The following STOX2 variants were observed in gnomAD, a reference collection of about 807,000 sequenced individuals.
The protein encoded by STOX2 is storkhead-box protein 2.
A neutral mutation model predicts 60.9 loss-of-function variants in STOX2; 28 were observed. That is an observed-to-expected ratio of 0.46 (90% CI 0.34 to 0.63). The LOEUF (loss-of-function observed/expected upper bound fraction) is 0.63, where lower values mean the gene tolerates loss of function less well. Ranked by LOEUF, STOX2 falls within the 30% of genes least tolerant of loss-of-function variation. STOX2 has a pLI of 0.01. For synonymous variants in STOX2, 472 were observed against 463.9 expected (o/e 1.02, Z -0.22); for missense variants, 1,024 against 1,187.7 (o/e 0.86, Z 2.03).
chr4:183,853,945 C>T (rs1279700680), intron 1 of STOX2: 1 of 152,198 alleles, frequency 6.6e-6, no homozygotes, highest in Non-Finnish European at 1.5e-5. Flanking sequence ...CTATTCTGTT[C>T]TGGCGATGTT....
At chr4:183,951,804 G>C (rs549300315) in intron 1 of STOX2, among the ~76,000 whole-genome samples, 7 of 152,050 alleles carry the variant, frequency 4.6e-5, no homozygotes, top group Admixed American at 4.6e-4. Context: ...TTAGCTGGGC[G>C]TGGTGGTGCA....
In STOX2 at chr4:183,954,338, G is replaced by C. The variant is rs535648718; in HGVS notation, c.167-46987G>C. 2.0e-5 allele frequency among the ~76,000 whole-genome samples: 3 copies of C among 151,912 alleles called. No homozygotes were observed. In the South Asian group the frequency reaches 6.2e-4, roughly 32 times the overall value. Reference sequence around the variant, plus strand: ...GAGTCTCACTCTGTCACCCAGGCTGGAGTGCAGTGGCATGATCTTGGCTCG... The same window carrying C: ...GAGTCTCACTCTGTCACCCAGGCTGCAGTGCAGTGGCATGATCTTGGCTCG... On this transcript the variant is annotated intron_variant, in intron 1 of 3. Transcript: ENST00000308497.
intron 1 of STOX2, among the ~76,000 whole-genome samples, chr4:183,943,915 A>C (rs1057499130): frequency 6.6e-6 from 1 of 151,974 alleles, no homozygotes; most frequent in South Asian, 2.1e-4. Context: ...CAAAAAAGAA[A>C]TCTCCCCAGG....
chr4:183,863,159 G>A (rs1740489708), intron 1 of STOX2, among the ~76,000 whole-genome samples: 1 of 152,168 alleles, frequency 6.6e-6, no homozygotes, highest in Admixed American at 6.5e-5. Flanking sequence ...GGTCCTGGGT[G>A]AGTGACGTGG....
intron 1 of STOX2, among the ~76,000 whole-genome samples, chr4:183,913,373 G>C (rs1741837428): frequency 6.6e-6 from 1 of 152,110 alleles, no homozygotes; most frequent in Non-Finnish European, 1.5e-5. Flanking sequence ...TCAGATCGTG[G>C]CTTGCAGGAT....
At chr4:183,974,743 A>G (rs760174533) in intron 1 of STOX2, among the ~76,000 whole-genome samples, 4 of 152,210 alleles carry the variant, frequency 2.6e-5, no homozygotes, top group Admixed American at 6.5e-5. Flanking sequence ...AAAATGGACA[A>G]TTATAGTTAG....
intron 1 of STOX2, among the ~76,000 whole-genome samples, chr4:183,966,801 A>C (rs1379357035): frequency 6.6e-6 from 1 of 152,132 alleles, no homozygotes; most frequent in Non-Finnish European, 1.5e-5. Context: ...AAACAAGAAA[A>C]GTGTTCTTTA....
intron 1 of STOX2, among the ~76,000 whole-genome samples, chr4:183,968,761 CG>C: frequency 4.6e-4 from 1 of 2,180 alleles, no homozygotes; most frequent in East Asian, 6.0e-3. Context: ...GGCAGGGGGG[CG>C]GGGGGTGTTG....
At position 183,825,760 on chromosome 4, in the gene STOX2, G is replaced by A. The variant is rs1011002984; in HGVS notation, c.364+27705G>A. On this transcript the variant is annotated intron_variant, in intron 1 of 2. Transcript: ENST00000513034. This position sits in a 1 kb window ranked among gnomAD's most constrained non-coding sequence, Gnocchi z 4.1. ...GGTGGCTGGGGCTGGACTTTGCCGG[G>A]GAGGGGTTCAGATTTAATGCTTCGA... 2.6e-5 allele frequency among the ~76,000 whole-genome samples: 4 copies of A among 152,140 alleles called. No homozygotes were observed. Among genetic ancestry groups the A allele is most frequent in the Non-Finnish European group, 5.9e-5 (4 of 68,016 alleles).
At position 183,905,980 on chromosome 4, in the gene STOX2, C is replaced by T. The variant is rs879238822; in HGVS notation, c.-811C>T. ...CATCCACCCGCGCGCACGCACAGCG[C>T]CCGGAGCCTCGGCAAGGGGAAGATT... On this transcript the variant is annotated 5_prime_UTR_variant, in exon 1 of 4. Transcript: ENST00000308497. The T allele has an allele frequency of 6.6e-6, 1 of 152,342 alleles. No individual in the cohort carries two copies. The highest frequency in any genetic ancestry group is 1.5e-5 in the Non-Finnish European group (1 of 68,148). The allele number at this position is 152,342 out of a possible 1,614,324, so 9.4% of individuals were successfully genotyped here. A position where few individuals can be genotyped will look rare whatever the true frequency, so the allele number is the denominator to read the frequency against.
chr4:183,834,915 G>C (rs1430714623), intron 1 of STOX2, among the ~76,000 whole-genome samples: 1 of 152,212 alleles, frequency 6.6e-6, no homozygotes, highest in African/African-American at 2.4e-5. Context: ...ATGTGGGCCA[G>C]GTGCTCTGGG....
chr4:183,947,897 G>C (rs1400582401), intron 1 of STOX2, among the ~76,000 whole-genome samples: 2 of 152,066 alleles, frequency 1.3e-5, no homozygotes, highest in African/African-American at 2.4e-5. Flanking sequence ...TTACAACAAG[G>C]CTCCATGGTA....
chr4:183,830,197 C>T (rs950878167), intron 1 of STOX2, among the ~76,000 whole-genome samples: 17 of 152,256 alleles, frequency 1.1e-4, no homozygotes, highest in East Asian at 7.7e-4. Flanking sequence ...TCACCTGGTG[C>T]GTTGTTACTT....
chr4:183,953,965 G>A (rs531688696), intron 1 of STOX2, among the ~76,000 whole-genome samples: 3 of 152,258 alleles, frequency 2.0e-5, no homozygotes, highest in African/African-American at 4.8e-5. Flanking sequence ...AGATGTATGC[G>A]ACATGAGTGA....
Position 183,800,185 on chromosome 4 carries a change from G to A in STOX2, c.364+2130G>A, listed in dbSNP as rs569413583. Among the ~76,000 whole-genome samples, 199 of 23,132 alleles carry A rather than the reference G, an allele frequency of 8.6e-3. 3 individuals carry two copies. The highest frequency in any genetic ancestry group is 0.021 in the African/African-American group (191 of 8,892). The allele number at this position is 23,132 out of a possible 152,430, so 15.2% of individuals were successfully genotyped here. On this transcript the variant is annotated intron_variant, in intron 1 of 2. Transcript: ENST00000513034. ...TAAAAATTCTCAATATCTGCTGCAG[G>A]CTTCCTCATTTTTTTTTGTTGCCAG...
intron 1 of STOX2, among the ~76,000 whole-genome samples, chr4:183,859,787 C>A (rs938216439): frequency 2.0e-5 from 3 of 152,206 alleles, no homozygotes; most frequent in African/African-American, 7.2e-5. Flanking sequence ...AATGATCTTA[C>A]CGAACTGAAT....
intron 2 of STOX2, among the ~76,000 whole-genome samples, chr4:184,006,842 C>T (rs1464073789): frequency 1.3e-5 from 2 of 150,814 alleles, no homozygotes; most frequent in East Asian, 1.9e-4. Context: ...CGGTGAAACC[C>T]CGTCTCTACT....
chr4:184,010,704 G>A lies in STOX2; in HGVS notation c.1866G>A (p.Glu622=). ...CATCACCTCTGGGAAAGAATAAGGAGGACCATGACACTCTGACTTTGGCAG... is the reference window on the plus strand; with the variant it reads ...CATCACCTCTGGGAAAGAATAAGGAAGACCATGACACTCTGACTTTGGCAG... ...TAPSPLGKNK[E]DHDTLTLAEG... Residue 622 remains glutamate (E), a synonymous_variant, in exon 3 of 4, where the codon GAG becomes GAA. Coordinates refer to ENST00000308497, the MANE Select transcript of STOX2 (RefSeq NM_020225.3). This position sits in a 1 kb window ranked among gnomAD's most constrained non-coding sequence, Gnocchi z 4.5. 4 of 1,609,602 alleles carry A rather than the reference G, an allele frequency of 2.5e-6. No individual in the cohort carries two copies. The highest frequency in any genetic ancestry group is 3.4e-6 in the Non-Finnish European group (4 of 1,178,118).
At chr4:184,002,806 G>A (rs1733654415) in intron 2 of STOX2, among the ~76,000 whole-genome samples, 1 of 152,214 alleles carries the variant, frequency 6.6e-6, no homozygotes, top group African/African-American at 2.4e-5. Flanking sequence ...CTTATCTACT[G>A]TATTGGTCTC....
Sources: allele counts gnomAD v4.1 joint callset (sites outside exome capture counted in the v4.1 genomes callset), GRCh38; gene constraint gnomAD v4.1.1; non-coding constraint Gnocchi (gnomAD v3.1); transcripts MANE v1.5; gene names NCBI Gene and HGNC (gene_info 2026-07-23, HGNC 2026-07-21).